TOP1: variants seen among roughly 807,000 people sequenced by gnomAD.
TOP1 encodes the protein DNA topoisomerase 1.
A neutral mutation model predicts 111.1 loss-of-function variants in TOP1; 10 were observed. That is an observed-to-expected ratio of 0.09 (90% CI 0.06 to 0.15). TOP1 has a LOEUF of 0.15. TOP1 is among the 10% of genes least tolerant of loss of function. The probability of loss-of-function intolerance (pLI) is 1.00; values close to 1 mark genes in which losing one functional copy is unlikely to be tolerated. For missense variants in TOP1, 474 were observed against 926.7 expected (o/e 0.51, Z 6.34); for synonymous variants, 271 against 302.9 (o/e 0.89, Z 1.10).
intron 8 of TOP1, among the ~76,000 whole-genome samples, chr20:41,086,124 G>A (rs866580549): frequency 1.3e-5 from 2 of 152,082 alleles, no homozygotes; most frequent in Admixed American, 1.3e-4. Context: ...TTAGCCGGGC[G>A]TGGTGGTGCG....
chr20:41,072,186 G>A (rs578014681), intron 3 of TOP1: 2 of 962,688 alleles, frequency 2.1e-6, no homozygotes, highest in African/African-American at 3.5e-5. Flanking sequence ...CCTCTAACCT[G>A]GCTAATATTA....
intron 13 of TOP1, among the ~76,000 whole-genome samples, chr20:41,104,884 C>A (rs534211876): frequency 6.6e-6 from 1 of 152,166 alleles, no homozygotes; most frequent in African/African-American, 2.4e-5. Context: ...ATATTGCCAG[C>A]GGAAGAAGCA....
chr20:41,081,237 A>G lies in TOP1; in HGVS notation c.504A>G (p.Glu168=), dbSNP rs151248842. The part of the protein sequence containing the change: ...KKEKKRKLEE[E]EDGKLKKPKN... Reference sequence around the variant, plus strand: ...AGAAGAAAAGAAAACTAGAAGAAGAAGAGGTTAGTAAAGAGACTTAGGTCC... The same window carrying G: ...AGAAGAAAAGAAAACTAGAAGAAGAGGAGGTTAGTAAAGAGACTTAGGTCC... The change falls in exon 7 of 21, where the codon GAA becomes GAG. Residue 168 remains glutamate (E), a synonymous_variant. Transcript: ENST00000361337. The G allele has an allele frequency of 4.1e-5, 66 of 1,605,010 alleles. No individual in the cohort carries two copies. The African/African-American group carries it at 7.9e-4, about 19-fold the overall frequency.
At position 41,100,496 on chromosome 20, in the gene TOP1, T is replaced by G. The variant is rs575853956; in HGVS notation, c.1163+253T>G. On this transcript the variant is annotated intron_variant, in intron 12 of 20. Coordinates refer to ENST00000361337, the MANE Select transcript of TOP1 (RefSeq NM_003286.4). This position sits in a 1 kb window ranked among gnomAD's most constrained non-coding sequence, Gnocchi z 4.4. ...ATTGCTGTCACTTGGAACACATTTC[T>G]GTTGATGTCTTCCACCCCCAAATTT... Among the ~76,000 whole-genome samples, 34 of 152,346 alleles carry G rather than the reference T, an allele frequency of 2.2e-4. No homozygotes were observed. The highest frequency in any genetic ancestry group is 3.9e-4 in the Admixed American group (6 of 15,302).
chr20:41,079,935 A>AG lies in TOP1; in HGVS notation c.336-149dup. 1 of 606,898 alleles carries AG rather than the reference A, an allele frequency of 1.6e-6. No individual in the cohort carries two copies. The highest frequency in any genetic ancestry group is 2.9e-6 in the Non-Finnish European group (1 of 340,340). 37.6% of individuals were successfully genotyped at this position (606,898 alleles called of 1,614,324 possible). A position where few individuals can be genotyped will look rare whatever the true frequency, so the allele number is the denominator to read the frequency against. ...CTATCTACTTCACAGGATTGAAGTG[A>AG]GAAAAAGTGCTCACAGAACATCTTC... On this transcript the variant is annotated intron_variant, in intron 5 of 20. Transcript: ENST00000361337. This position sits in a 1 kb window ranked among gnomAD's most constrained non-coding sequence, Gnocchi z 4.0.
In TOP1 at chr20:41,082,379, TATC is replaced by T. The variant is rs78180525; in HGVS notation, c.507+1143_507+1145del. On this transcript the variant is annotated intron_variant, in intron 7 of 20. Transcript: ENST00000361337. This position sits in a 1 kb window ranked among gnomAD's most constrained non-coding sequence, Gnocchi z 4.1. ...CCTGAATAGGTTGTTACATCCCTAT[TATC>T]ATCTCCATTTTGCAGATGCAGAAAT... Among the ~76,000 whole-genome samples, 31 of 152,322 alleles carry T rather than the reference TATC, an allele frequency of 2.0e-4. No homozygotes were observed. In the East Asian group the frequency reaches 3.3e-3, roughly 16 times the overall value.
At chr20:41,031,879 C>T (rs1182489739) in intron 2 of TOP1, among the ~76,000 whole-genome samples, 3 of 152,106 alleles carry the variant, frequency 2.0e-5, no homozygotes, top group African/African-American at 4.8e-5. Flanking sequence ...TTGTCATTTG[C>T]TTTTTATCTA....
intron 2 of TOP1, among the ~76,000 whole-genome samples, chr20:41,045,405 C>A (rs2033321345): frequency 6.6e-6 from 1 of 152,142 alleles, no homozygotes; most frequent in Non-Finnish European, 1.5e-5. Flanking sequence ...AGAGGACTTA[C>A]AACTGGTAAG....
chr20:41,108,543 A>G (rs938122550), intron 13 of TOP1, among the ~76,000 whole-genome samples: 1 of 152,238 alleles, frequency 6.6e-6, no homozygotes, highest in Non-Finnish European at 1.5e-5. Flanking sequence ...GAGAACCACA[A>G]TAACACTTGC....
At chr20:41,100,000 A>G (rs6129756) in intron 11 of TOP1, 56 bp from the exon 12 acceptor site, 4 of 1,265,288 alleles carry the variant, frequency 3.2e-6, no homozygotes, top group Non-Finnish European at 3.3e-6. Context: ...GATAAAATGC[A>G]TTAGTAGAGA....
chr20:41,054,633 C>T (rs1195523530), intron 2 of TOP1, among the ~76,000 whole-genome samples: 1 of 152,152 alleles, frequency 6.6e-6, no homozygotes, highest in African/African-American at 2.4e-5. Context: ...GTATTAGTGC[C>T]CTTTTCTCTT....
At position 41,077,611 on chromosome 20, in the gene TOP1, G is replaced by A. The variant is rs369651304; in HGVS notation, c.309G>A (p.Lys103=). 1.2e-6 allele frequency: 2 copies of A among 1,613,982 alleles called. No homozygotes were observed. The highest frequency in any genetic ancestry group is 2.7e-5 in the African/African-American group (2 of 74,928). The change falls in exon 5 of 21, where the codon AAG becomes AAA. Residue 103 remains lysine (K), a synonymous_variant. Transcript: ENST00000361337. Reference sequence around the variant, plus strand: ...GAGCCTCTGGGGATGCAAAAATAAAGAAGGAGAAGGAAAATGGCTTCTCTA... The same window carrying A: ...GAGCCTCTGGGGATGCAAAAATAAAAAAGGAGAAGGAAAATGGCTTCTCTA... The part of the protein sequence containing the change: ...KVRASGDAKI[K]KEKENGFSSP...
chr20:41,124,254 G>A lies in TOP1; in HGVS notation c.*957G>A, dbSNP rs1210722271. On this transcript the variant is annotated 3_prime_UTR_variant, in exon 21 of 21. Transcript: ENST00000361337. This position sits in a 1 kb window ranked among gnomAD's most constrained non-coding sequence, Gnocchi z 5.4. Reference sequence around the variant, plus strand: ...AAAGGAAAAATAATCAAGATTTTAGGGCTTTTATTTTTTCTTTTGTAATTG... The same window carrying A: ...AAAGGAAAAATAATCAAGATTTTAGAGCTTTTATTTTTTCTTTTGTAATTG... 1 of 232,600 alleles carries A rather than the reference G, an allele frequency of 4.3e-6. No homozygotes were observed. Among genetic ancestry groups the A allele is most frequent in the Non-Finnish European group, 8.5e-6 (1 of 117,642 alleles). The allele number at this position is 232,600 out of a possible 1,614,324, so 14.4% of individuals were successfully genotyped here.
Position 41,112,532 on chromosome 20 carries a change from T to C in TOP1, c.1309-250T>C, listed in dbSNP as rs2034259106. On this transcript the variant is annotated intron_variant, in intron 13 of 20. Transcript: ENST00000361337. This position sits in a 1 kb window ranked among gnomAD's most constrained non-coding sequence, Gnocchi z 5.8. ...ACTCTCTCTTCAGTACTATTCTTTT[T>C]TACGTTTGCTTAAGGTCAAGTTCCT... is the stretch of plus-strand genomic sequence containing the variant. Among the ~76,000 whole-genome samples, 1 of 152,250 alleles carries C rather than the reference T, an allele frequency of 6.6e-6. No homozygotes were observed.
Position 41,115,304 on chromosome 20 carries a change from T to G in TOP1, c.1639-67T>G. The G allele has an allele frequency of 1.8e-6, 2 of 1,113,746 alleles. No homozygotes were observed. Among genetic ancestry groups the G allele is most frequent in the Non-Finnish European group, 2.7e-6 (2 of 741,928 alleles). 69.0% of individuals were successfully genotyped at this position (1,113,746 alleles called of 1,614,324 possible). ...TTTTTCTTTGCAAGTTTCTTTAAGT[T>G]TGGGGTTATTTCTAAAGTTAGGATT... On this transcript the variant is annotated intron_variant, in intron 15 of 20. Transcript: ENST00000361337. This position sits in a 1 kb window ranked among gnomAD's most constrained non-coding sequence, Gnocchi z 6.3.
chr20:41,103,245 C>G (rs984655882), intron 13 of TOP1, among the ~76,000 whole-genome samples: 1 of 152,130 alleles, frequency 6.6e-6, no homozygotes, highest in African/African-American at 2.4e-5. Context: ...ATACTAATGC[C>G]ACCATTTATA....
chr20:41,106,197 G>A lies in TOP1; in HGVS notation c.1308+4844G>A, dbSNP rs1447020653. On this transcript the variant is annotated intron_variant, in intron 13 of 20. Transcript: ENST00000361337. This position sits in a 1 kb window ranked among gnomAD's most constrained non-coding sequence, Gnocchi z 4.3. ...ATCAGATATATCTACATATATGTCA[G>A]ACTGTTTCTGGGCTGTCTGTCCTCT... Among the ~76,000 whole-genome samples, 6 of 152,138 alleles carry A rather than the reference G, an allele frequency of 3.9e-5. No individual in the cohort carries two copies. The highest frequency in any genetic ancestry group is 7.2e-5 in the African/African-American group (3 of 41,424).
intron 2 of TOP1, among the ~76,000 whole-genome samples, chr20:41,036,300 G>A (rs970522270): frequency 6.6e-6 from 1 of 152,186 alleles, no homozygotes; most frequent in Admixed American, 6.5e-5. Context: ...TATGTGGAAT[G>A]TTAGGTCTAG....
In TOP1 at chr20:41,078,751, T is replaced by C. The variant is rs2033756909; in HGVS notation, c.335+1114T>C. Among the ~76,000 whole-genome samples, 5 of 152,188 alleles carry C rather than the reference T, an allele frequency of 3.3e-5. No individual in the cohort carries two copies. The highest frequency in any genetic ancestry group is 3.3e-4 in the Admixed American group (5 of 15,278). ...AGTCATGAATTCATTTTCAGACTTTTTGGGTTAGAAGATTAGGAACACAGC... is the reference window on the plus strand; with the variant it reads ...AGTCATGAATTCATTTTCAGACTTTCTGGGTTAGAAGATTAGGAACACAGC... On this transcript the variant is annotated intron_variant, in intron 5 of 20. Transcript: ENST00000361337. This position sits in a 1 kb window ranked among gnomAD's most constrained non-coding sequence, Gnocchi z 5.3.
Sources: gnomAD v4.1 joint callset for allele counts (sites outside exome capture counted in the v4.1 genomes callset) on GRCh38, gnomAD v4.1.1 for gene constraint, Gnocchi (gnomAD v3.1) non-coding constraint, MANE v1.5 for transcripts, NCBI Gene and HGNC (gene_info 2026-07-23, HGNC 2026-07-21) for gene names.